Variants in CNDP1 observed in about 807,000 individuals in gnomAD.
CNDP1 encodes the protein carnosine dipeptidase 1.
A neutral mutation model predicts 58.1 loss-of-function variants in CNDP1; 44 were observed. The observed-to-expected ratio is 0.76, with a 90% CI of 0.60 to 0.97. The LOEUF (loss-of-function observed/expected upper bound fraction) is 0.97, where lower values mean the gene tolerates loss of function less well. Ranked by LOEUF, CNDP1 falls within the 50% of genes least tolerant of loss-of-function variation. CNDP1 has a pLI of 0.00. For synonymous variants in CNDP1, 254 were observed against 252.6 expected (o/e 1.01, Z -0.05); for missense variants, 616 against 655.1 (o/e 0.94, Z 0.65).
Position 74,562,243 on chromosome 18 carries a change from C to T in CNDP1, c.555+108C>T. 3.2e-6 allele frequency: 3 copies of T among 927,024 alleles called. 1 individual carries two copies. The South Asian group carries it at 4.0e-5, about 12-fold the overall frequency. The allele number at this position is 927,024 out of a possible 1,614,324, so 57.4% of individuals were successfully genotyped here. The stretch of plus-strand genomic sequence containing the variant: ...AAACTGCCTTAGGTCACTTACTCGC[C>T]CCAACAATCTTTGGAGGTGTGTGCG... On this transcript the variant is annotated intron_variant, in intron 5 of 11. Coordinates refer to ENST00000358821, the MANE Select transcript of CNDP1 (RefSeq NM_032649.6).
At chr18:74,544,436 G>C (rs1471504313) in intron 1 of CNDP1, among the ~76,000 whole-genome samples, 5 of 152,066 alleles carry the variant, frequency 3.3e-5, no homozygotes, top group Non-Finnish European at 7.4e-5. Context: ...TGATAAGAAG[G>C]CCGGGCACGG....
chr18:74,578,436 T>A, intron 9 of CNDP1, 109 bp downstream of exon 9: 1 of 1,117,820 alleles, frequency 8.9e-7, no homozygotes, highest in Non-Finnish European at 1.3e-6. Flanking sequence ...GTATCATTTT[T>A]TTCCAACACA....
Position 74,577,089 on chromosome 18 carries a change from C to T in CNDP1, c.1002+60C>T. On this transcript the variant is annotated intron_variant, in intron 8 of 11. Coordinates refer to ENST00000358821, the MANE Select transcript of CNDP1 (RefSeq NM_032649.6). Reference sequence around the variant, plus strand: ...GCATGAGGCTAGTATATCATATTTGCCCTCTGTCTAAGTCATTGTCTGGTG... The same window carrying T: ...GCATGAGGCTAGTATATCATATTTGTCCTCTGTCTAAGTCATTGTCTGGTG... The T allele has an allele frequency of 7.6e-6, 11 of 1,452,228 alleles. No individual in the cohort carries two copies. The South Asian group carries it at 1.4e-4, about 19-fold the overall frequency. 90.0% of individuals were successfully genotyped at this position (1,452,228 alleles called of 1,614,324 possible).
intron 2 of CNDP1, among the ~76,000 whole-genome samples, chr18:74,557,720 A>G (rs1287708059): frequency 1.3e-5 from 2 of 152,304 alleles, no homozygotes; most frequent in African/African-American, 4.8e-5. Context: ...CAAGCCCCCC[A>G]CATCATGTCT....
intron 1 of CNDP1, among the ~76,000 whole-genome samples, chr18:74,550,745 T>G (rs1980882383): frequency 6.7e-6 from 1 of 150,362 alleles, no homozygotes; most frequent in South Asian, 2.1e-4. Context: ...CCCGACTATT[T>G]TTTTTTTTTG....
chr18:74,572,790 C>CAAAAAAAAAAAAAAAAAAAAA (rs56059264), intron 7 of CNDP1, among the ~76,000 whole-genome samples: 4 of 60,064 alleles, frequency 6.7e-5, no homozygotes, highest in Non-Finnish European at 9.0e-5. Context: ...GACCCTGTAT[C>CAAAAAAAAAAAAAAAAAAAAA]AAAAAAAAAA....
rs1244702565 is a variant in CNDP1 at position 74,583,600 on chromosome 18, C to T, written c.1349C>T (p.Thr450Ile). The T allele has an allele frequency of 3.1e-6, 5 of 1,614,130 alleles. No individual in the cohort carries two copies. The highest frequency in any genetic ancestry group is 4.2e-6 in the Non-Finnish European group (5 of 1,179,972). The part of the protein sequence containing the change: ...TEPDMIRDGS[T>I]IPIAKMFQEI... ...CCAGATATGATCCGGGATGGATCCA[C>T]CATTCCAATTGCCAAAATGTTCCAG... Residue 450 changes from threonine (T) to isoleucine (I), a missense_variant, in exon 11 of 12, where the codon ACC becomes ATC. Transcript: ENST00000358821.
intron 9 of CNDP1, among the ~76,000 whole-genome samples, chr18:74,579,317 T>G (rs1981727540): frequency 8.9e-6 from 1 of 112,612 alleles, no homozygotes. Flanking sequence ...CCCCACTCCC[T>G]TCCCCTCCCC....
intron 10 of CNDP1, among the ~76,000 whole-genome samples, chr18:74,582,028 G>A (rs1278316366): frequency 6.6e-6 from 1 of 152,204 alleles, no homozygotes; most frequent in African/African-American, 2.4e-5. Context: ...TCCAAGACAG[G>A]GAGCCATGCT....
intron 8 of CNDP1, chr18:74,577,958 T>G: frequency 2.0e-6 from 1 of 488,692 alleles, no homozygotes; most frequent in Non-Finnish European, 3.6e-6. Context: ...TGGGGAGCAT[T>G]GGTAGTGATG....
At chr18:74,535,127 A>G (rs1980454301) in intron 1 of CNDP1, among the ~76,000 whole-genome samples, 1 of 152,188 alleles carries the variant, frequency 6.6e-6, no homozygotes, top group Non-Finnish European at 1.5e-5. Flanking sequence ...TCACCGGGCT[A>G]AATCACCCCA....
At chr18:74,548,606 A>G (rs535217324) in intron 1 of CNDP1, among the ~76,000 whole-genome samples, 1 of 152,370 alleles carries the variant, frequency 6.6e-6, no homozygotes, top group African/African-American at 2.4e-5. Flanking sequence ...GGGCATCGCT[A>G]TAAAGATACC....
intron 1 of CNDP1, among the ~76,000 whole-genome samples, chr18:74,541,769 C>T (rs950136359): frequency 2.6e-5 from 4 of 152,154 alleles, no homozygotes; most frequent in African/African-American, 9.7e-5. Context: ...CACAATGCCC[C>T]AGTGTTCCAA....
At chr18:74,563,257 T>G (rs7232853) in intron 5 of CNDP1, among the ~76,000 whole-genome samples, 122,483 of 152,030 alleles carry the variant, frequency 0.81, 52,649 homozygotes, top group Non-Finnish European at 0.94. Flanking sequence ...GGGCTCCTGC[T>G]GACCACTGCA....
chr18:74,563,230 T>C (rs111467216), intron 5 of CNDP1, among the ~76,000 whole-genome samples: 6,372 of 152,216 alleles, frequency 0.042, 160 homozygotes, highest in East Asian at 0.071. Context: ...CCTCAGGAAA[T>C]CAGCACAGGT....
intron 6 of CNDP1, among the ~76,000 whole-genome samples, chr18:74,568,743 T>A (rs1599097784): frequency 1.3e-5 from 2 of 152,108 alleles, no homozygotes; most frequent in East Asian, 3.8e-4. Context: ...AAGTGATGGC[T>A]TGAAGTGGTC....
At chr18:74,546,240 C>T (rs148765945) in intron 1 of CNDP1, among the ~76,000 whole-genome samples, 83 of 152,272 alleles carry the variant, frequency 5.5e-4, no homozygotes, top group African/African-American at 1.8e-3. Context: ...TGATGTCTGG[C>T]GAGGCTCAGA....
chr18:74,564,083 AT>A (rs1568296922), intron 5 of CNDP1, among the ~76,000 whole-genome samples: 1 of 152,184 alleles, frequency 6.6e-6, no homozygotes, highest in African/African-American at 2.4e-5. Context: ...TGATTTTCTA[AT>A]TTTCTCATTT....
rs33911381 is a variant in CNDP1 at position 74,572,846 on chromosome 18, C to CAAA, written c.841+1584_841+1586dup. On this transcript the variant is annotated intron_variant, in intron 7 of 11. Transcript: ENST00000358821. ...AAAGAAAGAAAAATAATAGAAAAAG[C>CAAA]AAAAAAAAAATGTTTAATAATGTGC... Among the ~76,000 whole-genome samples, 585 of 139,222 alleles carry CAAA rather than the reference C, an allele frequency of 4.2e-3. 5 individuals carry two copies. Among genetic ancestry groups the CAAA allele is most frequent in the African/African-American group, 0.012 (431 of 37,460 alleles). The allele number at this position is 139,222 out of a possible 152,430, so 91.3% of individuals were successfully genotyped here.
Sources: gnomAD v4.1 joint callset for allele counts (sites outside exome capture counted in the v4.1 genomes callset) on GRCh38, gnomAD v4.1.1 for gene constraint, MANE v1.5 for transcripts, NCBI Gene and HGNC (gene_info 2026-07-23, HGNC 2026-07-21) for gene names.